STAG1: variants seen among roughly 807,000 people sequenced by gnomAD.
STAG1 encodes STAG1 cohesin complex component, also known as cohesin subunit SA-1.
Under a neutral mutation model 170.9 loss-of-function variants are expected in STAG1, and 26 were observed. The ratio of observed to expected loss-of-function variants is 0.15; its 90% confidence interval spans 0.11 to 0.21. The LOEUF (loss-of-function observed/expected upper bound fraction) is 0.21, where lower values mean the gene tolerates loss of function less well. STAG1 is among the 10% of genes least tolerant of loss of function. The probability of loss-of-function intolerance (pLI) is 1.00; values close to 1 mark genes in which losing one functional copy is unlikely to be tolerated. For synonymous variants in STAG1, 514 were observed against 497.7 expected (o/e 1.03, Z -0.44); for missense variants, 964 against 1,509.5 (o/e 0.64, Z 5.99).
intron 1 of STAG1, among the ~76,000 whole-genome samples, chr3:136,685,045 T>G (rs888218956): frequency 1.3e-5 from 2 of 152,168 alleles, no homozygotes; most frequent in Non-Finnish European, 2.9e-5. Flanking sequence ...CTGGGCCCGG[T>G]GGCTCACGCC....
chr3:136,376,358 A>C (rs1051067567), intron 23 of STAG1, among the ~76,000 whole-genome samples: 1 of 152,220 alleles, frequency 6.6e-6, no homozygotes, highest in African/African-American at 2.4e-5. Context: ...CATATCATGG[A>C]AACAGTACTT....
At chr3:136,467,284 C>T (rs931366448) in intron 12 of STAG1, among the ~76,000 whole-genome samples, 3 of 152,042 alleles carry the variant, frequency 2.0e-5, no homozygotes, top group Non-Finnish European at 4.4e-5. Flanking sequence ...CAGAGACACA[C>T]ATAGGCGCAA....
chr3:136,686,170 C>G (rs749814217), intron 1 of STAG1, among the ~76,000 whole-genome samples: 1 of 152,206 alleles, frequency 6.6e-6, no homozygotes, highest in African/African-American at 2.4e-5. Context: ...GCACTTTATG[C>G]TCTGAGTGTT....
chr3:136,363,284 G>A, intron 26 of STAG1, 82 bp downstream of exon 26: 1 of 712,592 alleles, frequency 1.4e-6, no homozygotes, highest in Admixed American at 2.5e-5. Flanking sequence ...TAAATGAGAT[G>A]AGATACCTAG....
In STAG1 at chr3:136,340,367, C is replaced by T. The variant is rs932494512; in HGVS notation, c.3672+124G>A. The T allele has an allele frequency of 5.7e-5, 35 of 613,014 alleles. No homozygotes were observed. In the African/African-American group the frequency reaches 6.3e-4, roughly 11 times the overall value. 38.0% of individuals were successfully genotyped at this position (613,014 alleles called of 1,614,324 possible). Reference sequence around the variant, plus strand: ...GAACTCCCGACCTCAGGTGATCCACCCACCTCAGCCTCCCAAAGTGCTGGG... The same window carrying T: ...GAACTCCCGACCTCAGGTGATCCACTCACCTCAGCCTCCCAAAGTGCTGGG... On this transcript the variant is annotated intron_variant, in intron 32 of 33. Coordinates refer to ENST00000383202, the MANE Select transcript of STAG1 (RefSeq NM_005862.3).
intron 3 of STAG1, among the ~76,000 whole-genome samples, chr3:136,621,820 T>C (rs1217608127): frequency 6.6e-6 from 1 of 151,998 alleles, no homozygotes; most frequent in Non-Finnish European, 1.5e-5. Flanking sequence ...AATAACTGGT[T>C]AAGCAACATA....
chr3:136,366,852 G>C (rs1236665167), intron 25 of STAG1, 91 bp downstream of exon 25: 1 of 1,070,284 alleles, frequency 9.3e-7, no homozygotes, highest in Admixed American at 2.3e-5. Context: ...TAGGTGAAAA[G>C]CTGTCAATTT....
rs199672026 is a variant in STAG1 at position 136,554,896 on chromosome 3, C to A, written c.395-12701G>T. Among the ~76,000 whole-genome samples, 9 of 150,114 alleles carry A rather than the reference C, an allele frequency of 6.0e-5. No homozygotes were observed. The East Asian group carries it at 1.4e-3, about 23-fold the overall frequency. On this transcript the variant is annotated intron_variant, in intron 5 of 33. Coordinates refer to ENST00000383202, the MANE Select transcript of STAG1 (RefSeq NM_005862.3). ...GTGAGAACCCGTCTCAAAAAATAAC[C>A]GAAAAAATAAAACAAAACAAAAGCC...
intron 1 of STAG1, among the ~76,000 whole-genome samples, chr3:136,737,994 G>C (rs1934441038): frequency 6.6e-6 from 1 of 152,102 alleles, no homozygotes; most frequent in South Asian, 2.1e-4. Context: ...CTGGAACCTA[G>C]GAGGTGGAGG....
At chr3:136,649,085 G>T (rs1480532681) in intron 1 of STAG1, among the ~76,000 whole-genome samples, 1 of 152,102 alleles carries the variant, frequency 6.6e-6, no homozygotes, top group Admixed American at 6.6e-5. Context: ...TATACTTGTA[G>T]TTCATCCCAA....
At chr3:136,343,002 GA>G (rs1447706493) in intron 30 of STAG1, among the ~76,000 whole-genome samples, 6 of 152,208 alleles carry the variant, frequency 3.9e-5, no homozygotes, top group Non-Finnish European at 5.9e-5. Flanking sequence ...TCTTGGGTTT[GA>G]AGGCTGATCC....
At chr3:136,666,956 C>A (rs1941805230) in intron 1 of STAG1, among the ~76,000 whole-genome samples, 1 of 152,006 alleles carries the variant, frequency 6.6e-6, no homozygotes, top group South Asian at 2.1e-4. Flanking sequence ...CTGAACCTGG[C>A]AAAGCTGAGA....
At chr3:136,705,377 AAACACACACAC>A (rs1559962267) in intron 1 of STAG1, among the ~76,000 whole-genome samples, 3 of 80,644 alleles carry the variant, frequency 3.7e-5, no homozygotes, top group Admixed American at 1.6e-4. Context: ...CATGATCATC[AAACACACACAC>A]ACACACACAC....
chr3:136,723,724 A>C (rs1365521762), intron 1 of STAG1, among the ~76,000 whole-genome samples: 8 of 105,574 alleles, frequency 7.6e-5, no homozygotes, highest in Admixed American at 2.1e-4. Flanking sequence ...GCCTGGCCGC[A>C]CCTACTTGGA....
At chr3:136,558,813 A>C (rs1161977185) in intron 5 of STAG1, among the ~76,000 whole-genome samples, 4 of 152,196 alleles carry the variant, frequency 2.6e-5, no homozygotes, top group Admixed American at 6.5e-5. Context: ...AATATGTGCA[A>C]AAGATAGCTT....
intron 4 of STAG1, among the ~76,000 whole-genome samples, chr3:136,581,727 G>C (rs1298667027): frequency 6.6e-6 from 1 of 151,712 alleles, no homozygotes; most frequent in Non-Finnish European, 1.5e-5. Context: ...CTTCTACTTA[G>C]GATAATGAAA....
chr3:136,401,099 C>T (rs1465741256), intron 21 of STAG1, among the ~76,000 whole-genome samples: 1 of 152,260 alleles, frequency 6.6e-6, no homozygotes, highest in Non-Finnish European at 1.5e-5. Flanking sequence ...TGTACACTTG[C>T]AAGAGAATGA....
chr3:136,737,224 G>A (rs1430223032), intron 1 of STAG1: 20 of 660,466 alleles, frequency 3.0e-5, no homozygotes, highest in South Asian at 1.7e-4. Flanking sequence ...TCCTGAAGCC[G>A]CCACTTCCCC....
intron 13 of STAG1, among the ~76,000 whole-genome samples, chr3:136,453,320 G>A (rs972308721): frequency 3.3e-5 from 5 of 152,098 alleles, no homozygotes; most frequent in Non-Finnish European, 5.9e-5. Context: ...GGCCGGGCAC[G>A]GTGGCTCACG....
Sources: gnomAD v4.1 joint callset for allele counts (sites outside exome capture counted in the v4.1 genomes callset) on GRCh38, gnomAD v4.1.1 for gene constraint, MANE v1.5 for transcripts, NCBI Gene and HGNC (gene_info 2026-07-23, HGNC 2026-07-21) for gene names.